Variants in ESR1 observed in about 807,000 individuals in gnomAD.
ESR1 encodes estrogen receptor.
A neutral mutation model predicts 52.7 loss-of-function variants in ESR1; 12 were observed. The ratio of observed to expected loss-of-function variants is 0.23; its 90% CI spans 0.15 to 0.37. ESR1 has a LOEUF of 0.37. Ranked by LOEUF, ESR1 falls within the 10% of genes least tolerant of loss-of-function variation. The pLI is 1.00. For synonymous variants in ESR1, 305 were observed against 316.8 expected, an observed-to-expected ratio of 0.96 and a Z score of 0.39; for missense variants, 584 against 779.7, an observed-to-expected ratio of 0.75 and a Z score of 2.99.
At chr6:151,708,257 ATCTC>A (rs1322517688) in intron 2 of ESR1, among the ~76,000 whole-genome samples, 1 of 151,936 alleles carries the variant, frequency 6.6e-6, no homozygotes, top group African/African-American at 2.4e-5. Flanking sequence ...TTATAGATCT[ATCTC>A]ATTCTTTTCA....
intron 1 of ESR1, among the ~76,000 whole-genome samples, chr6:151,821,675 A>G (rs1780576185): frequency 1.3e-5 from 2 of 152,188 alleles, no homozygotes; most frequent in Non-Finnish European, 1.5e-5. Flanking sequence ...TTATTTCATT[A>G]TAGATATTTC....
intron 4 of ESR1, among the ~76,000 whole-genome samples, chr6:151,974,431 A>C (rs1250951481): frequency 6.6e-6 from 1 of 152,194 alleles, no homozygotes; most frequent in Admixed American, 6.5e-5. Flanking sequence ...AGTACACTGA[A>C]ACACGTGGTC....
chr6:152,002,458 G>A (rs1441606131), intron 4 of ESR1, among the ~76,000 whole-genome samples: 1 of 151,980 alleles, frequency 6.6e-6, no homozygotes, highest in Non-Finnish European at 1.5e-5. Context: ...AATGCTCGTA[G>A]ATCTGCTTCT....
intron 1 of ESR1, among the ~76,000 whole-genome samples, chr6:151,841,266 CCA>C (rs1299818704): frequency 6.6e-6 from 1 of 152,204 alleles, no homozygotes; most frequent in Non-Finnish European, 1.5e-5. Context: ...TCTTCAGCTG[CCA>C]CCCTATCTGT....
intron 4 of ESR1, among the ~76,000 whole-genome samples, chr6:151,973,906 T>G (rs1001968412): frequency 6.6e-6 from 1 of 152,178 alleles, no homozygotes; most frequent in Non-Finnish European, 1.5e-5. Flanking sequence ...AAAAGGGTTG[T>G]TTTTCAGTTT....
At position 151,807,884 on chromosome 6, in the gene ESR1, G is replaced by C. The variant is rs761698890; in HGVS notation, c.-29G>C. 2 of 1,603,210 alleles carry C rather than the reference G, an allele frequency of 1.2e-6. No individual in the cohort carries two copies. The highest frequency in any genetic ancestry group is 1.1e-5 in the South Asian group (1 of 90,550). On this transcript the variant is annotated 5_prime_UTR_variant, in exon 1 of 8. Coordinates refer to ENST00000206249, the MANE Select transcript of ESR1 (RefSeq NM_000125.4). ...TGAGCCTTCTGCCCTGCGGGGACAC[G>C]GTCTGCACCCTGCCCGCGGCCACGG... is the stretch of plus-strand genomic sequence containing the variant.
At chr6:151,929,918 T>C (rs1324688058) in intron 3 of ESR1, among the ~76,000 whole-genome samples, 1 of 152,156 alleles carries the variant, frequency 6.6e-6, no homozygotes, top group South Asian at 2.1e-4. Context: ...TTTTGGTCTT[T>C]CGTAGTTTTA....
intron 1 of ESR1, among the ~76,000 whole-genome samples, chr6:151,660,347 T>C (rs1479147910): frequency 6.6e-6 from 1 of 152,230 alleles, no homozygotes; most frequent in Non-Finnish European, 1.5e-5. Context: ...TATAGTTCAG[T>C]GGCTAAGCTT....
chr6:152,033,505 A>C (rs1296182840), intron 5 of ESR1, among the ~76,000 whole-genome samples: 1 of 152,230 alleles, frequency 6.6e-6, no homozygotes, highest in Non-Finnish European at 1.5e-5. Flanking sequence ...ACACTTCTCA[A>C]AAGAAGACAT....
At chr6:151,746,487 T>C (rs531627815) in intron 2 of ESR1, among the ~76,000 whole-genome samples, 1 of 152,316 alleles carries the variant, frequency 6.6e-6, no homozygotes, top group Admixed American at 6.5e-5. Context: ...GTCAAACCTT[T>C]TTAATACCTC....
chr6:151,876,898 A>G (rs77336548), intron 2 of ESR1, among the ~76,000 whole-genome samples: 2,199 of 152,018 alleles, frequency 0.014, 55 homozygotes, highest in African/African-American at 0.051. Context: ...GGCTTGGTTC[A>G]TCCGGGCCTG....
At chr6:151,668,311 C>A (rs1015497862) in intron 1 of ESR1, among the ~76,000 whole-genome samples, 2 of 151,774 alleles carry the variant, frequency 1.3e-5, no homozygotes, top group South Asian at 4.2e-4. Flanking sequence ...TAGAGTCTCG[C>A]TCTGTCACCC....
At chr6:151,682,215 C>T (rs928970130) in intron 1 of ESR1, among the ~76,000 whole-genome samples, 1 of 152,188 alleles carries the variant, frequency 6.6e-6, no homozygotes, top group East Asian at 1.9e-4. Context: ...TGTTTTCACT[C>T]TATTTCCTTT....
chr6:151,896,498 G>A (rs1795526515), intron 3 of ESR1, among the ~76,000 whole-genome samples: 2 of 152,134 alleles, frequency 1.3e-5, no homozygotes, highest in South Asian at 4.1e-4. Flanking sequence ...AGCCTTGAAT[G>A]ATCTTTTGTA....
chr6:151,862,578 A>AGC (rs1483311208), intron 2 of ESR1, among the ~76,000 whole-genome samples: 1 of 152,166 alleles, frequency 6.6e-6, no homozygotes, highest in Admixed American at 6.6e-5. Context: ...GGTTTGGGTG[A>AGC]GCTGAAAGCC....
At chr6:151,753,195 CA>C (rs1212169644) in intron 2 of ESR1, among the ~76,000 whole-genome samples, 1 of 152,138 alleles carries the variant, frequency 6.6e-6, no homozygotes, top group African/African-American at 2.4e-5. Context: ...AAAGATCCTA[CA>C]AACTGTCACT....
At chr6:152,011,912 T>G in intron 5 of ESR1, 118 bp downstream of exon 5, 2 of 1,156,974 alleles carry the variant, frequency 1.7e-6, no homozygotes, top group Non-Finnish European at 2.5e-6. Flanking sequence ...GTATGTTTAC[T>G]TAACAAAAGA....
intron 1 of ESR1, among the ~76,000 whole-genome samples, chr6:151,657,980 C>A (rs1777513227): frequency 6.6e-6 from 1 of 152,094 alleles, no homozygotes; most frequent in African/African-American, 2.4e-5. Flanking sequence ...CTAAGTGCAT[C>A]CCAAAAAACA....
At chr6:151,789,704 A>G (rs1344349969) in intron 2 of ESR1, among the ~76,000 whole-genome samples, 1 of 152,228 alleles carries the variant, frequency 6.6e-6, no homozygotes, top group Non-Finnish European at 1.5e-5. Flanking sequence ...TCACTAATTT[A>G]TATAACCAGC....
Sources: allele counts gnomAD v4.1 joint callset (sites outside exome capture counted in the v4.1 genomes callset), GRCh38; gene constraint gnomAD v4.1.1; transcripts MANE v1.5; gene names NCBI Gene and HGNC (gene_info 2026-07-23, HGNC 2026-07-21).